SCRG1: variants seen among roughly 807,000 people sequenced by gnomAD.
SCRG1 encodes the protein stimulator of chondrogenesis 1.
Under a neutral mutation model 7.7 loss-of-function variants are expected in SCRG1, and 3 were observed. That is an observed-to-expected ratio of 0.39 (90% confidence interval 0.18 to 1.01). The LOEUF (loss-of-function observed/expected upper bound fraction) is 1.01. Ranked by LOEUF, SCRG1 falls within the 50% of genes least tolerant of loss-of-function variation. The pLI is 0.36. For missense variants in SCRG1, 110 were observed against 117.2 expected (o/e 0.94, Z 0.28); for synonymous variants, 46 against 41.2 (o/e 1.12, Z -0.44).
chr4:173,430,538 C>A, the SCRG1 span, among the ~76,000 whole-genome samples: 6 of 151,986 alleles, frequency 3.9e-5, no homozygotes, highest in Non-Finnish European at 8.8e-5. Context: ...CCTGTAATCC[C>A]AGCACTTTAG....
At chr4:173,512,940 A>G in the SCRG1 span, among the ~76,000 whole-genome samples, 1 of 152,202 alleles carries the variant, frequency 6.6e-6, no homozygotes, top group Non-Finnish European at 1.5e-5. Context: ...TATCAAGTCT[A>G]CACATAGTTA....
the SCRG1 span, among the ~76,000 whole-genome samples, chr4:173,454,380 C>T: frequency 1.8e-4 from 28 of 152,074 alleles, no homozygotes; most frequent in Admixed American, 9.8e-4. Context: ...GGGCCAGAGT[C>T]GGGGAGGTTA....
At chr4:173,508,217 A>G in the SCRG1 span, among the ~76,000 whole-genome samples, 1 of 152,220 alleles carries the variant, frequency 6.6e-6, no homozygotes, top group Non-Finnish European at 1.5e-5. The surrounding 1 kb of genome is among the most constrained non-coding windows in gnomAD (Gnocchi z 4.4). Flanking sequence ...AAAGATAGAT[A>G]GCGATCGTGC....
the SCRG1 span, among the ~76,000 whole-genome samples, chr4:173,454,460 T>G: frequency 3.3e-5 from 5 of 152,158 alleles, no homozygotes; most frequent in African/African-American, 1.2e-4. Flanking sequence ...TACCTGAATT[T>G]TTTCCACATG....
intron 2 of SCRG1, chr4:173,389,748 C>T (rs531314177): frequency 5.2e-4 from 116 of 222,216 alleles, no homozygotes; most frequent in African/African-American, 2.6e-3. Flanking sequence ...AATCAGAACA[C>T]GTGGGTTCTA....
chr4:173,489,519 T>G, the SCRG1 span, among the ~76,000 whole-genome samples: 293 of 151,986 alleles, frequency 1.9e-3, 2 homozygotes, highest in Middle Eastern at 0.02. Flanking sequence ...AATTTTTTTT[T>G]TTTGTTTGTT....
the SCRG1 span, among the ~76,000 whole-genome samples, chr4:173,487,831 G>C: frequency 2.6e-5 from 4 of 152,030 alleles, no homozygotes; most frequent in African/African-American, 9.6e-5. Flanking sequence ...GGCTGGGCAT[G>C]GTGGCTCATG....
At chr4:173,416,114 G>A in the SCRG1 span, among the ~76,000 whole-genome samples, 2,278 of 152,304 alleles carry the variant, frequency 0.015, 63 homozygotes, top group African/African-American at 0.052. Context: ...CAGCAATACT[G>A]CCGCCCCAAA....
Position 173,390,646 on chromosome 4 carries a change from A to AT in SCRG1, c.242+526dup, listed in dbSNP as rs143515314. 6.9e-3 allele frequency among the ~76,000 whole-genome samples: 1,041 copies of AT among 151,086 alleles called. 1 individual carries two copies. The highest frequency in any genetic ancestry group is 0.012 in the Non-Finnish European group (816 of 67,686). On this transcript the variant is annotated intron_variant, in intron 2 of 2. Transcript: ENST00000296506. ...TGCCACCACGCCCAGCTAATTTTGT[A>AT]TTTTTTTTGTATTTTGTATTTTGCA...
At chr4:173,420,171 C>T in the SCRG1 span, 2 of 472,334 alleles carry the variant, frequency 4.2e-6, no homozygotes, top group Non-Finnish European at 8.3e-6. Flanking sequence ...CGTGGCTCAA[C>T]AGAGACCTTC....
chr4:173,481,874 G>A, the SCRG1 span, among the ~76,000 whole-genome samples: 1 of 152,082 alleles, frequency 6.6e-6, no homozygotes, highest in African/African-American at 2.4e-5. Flanking sequence ...TAGGCTATTA[G>A]TAAAGTGTTT....
chr4:173,409,155 G>A (rs1294273259), upstream of SCRG1, among the ~76,000 whole-genome samples: 1 of 152,116 alleles, frequency 6.6e-6, no homozygotes, highest in Non-Finnish European at 1.5e-5. Context: ...TAACCAATAA[G>A]CCTGGAGGTT....
chr4:173,496,329 A>G, the SCRG1 span, among the ~76,000 whole-genome samples: 2 of 152,252 alleles, frequency 1.3e-5, no homozygotes, highest in Middle Eastern at 3.4e-3. Flanking sequence ...TCTTTGAAAA[A>G]AAAAAGAGAG....
At chr4:173,504,621 T>G in the SCRG1 span, among the ~76,000 whole-genome samples, 1 of 152,218 alleles carries the variant, frequency 6.6e-6, no homozygotes, top group East Asian at 1.9e-4. This position sits in a 1 kb window ranked among gnomAD's most constrained non-coding sequence, Gnocchi z 4.7. Flanking sequence ...TTGTGCACAA[T>G]TATTTTTATT....
chr4:173,482,132 T>C, the SCRG1 span, among the ~76,000 whole-genome samples: 1 of 152,200 alleles, frequency 6.6e-6, no homozygotes, highest in Admixed American at 6.5e-5. Context: ...AATAAAGTAA[T>C]TAGCAGTTGG....
At chr4:173,429,523 C>A in the SCRG1 span, among the ~76,000 whole-genome samples, 1 of 152,148 alleles carries the variant, frequency 6.6e-6, no homozygotes, top group African/African-American at 2.4e-5. Flanking sequence ...TCTCAAACTC[C>A]TGGCATCAAG....
upstream of SCRG1, among the ~76,000 whole-genome samples, chr4:173,409,713 T>C (rs1992464): frequency 0.98 from 149,124 of 151,988 alleles, 73,229 homozygotes; most frequent in East Asian, 1. Context: ...CTCAGCCTCC[T>C]AAGTACCTGC....
chr4:173,515,185 G>C, the SCRG1 span, among the ~76,000 whole-genome samples: 1 of 152,226 alleles, frequency 6.6e-6, no homozygotes, highest in African/African-American at 2.4e-5. The surrounding 1 kb of genome is among the most constrained non-coding windows in gnomAD (Gnocchi z 4.6). Context: ...GCTGTTTGCA[G>C]AAGTTGGAAC....
chr4:173,484,981 AAT>A, the SCRG1 span, among the ~76,000 whole-genome samples: 4 of 27,310 alleles, frequency 1.5e-4, no homozygotes, highest in African/African-American at 5.9e-4. Flanking sequence ...TAATATTATA[AAT>A]ATAATATATA....
Sources: allele counts gnomAD v4.1 joint callset (sites outside exome capture counted in the v4.1 genomes callset), GRCh38; gene constraint gnomAD v4.1.1; non-coding constraint Gnocchi (gnomAD v3.1); transcripts MANE v1.5; gene names NCBI Gene and HGNC (gene_info 2026-07-23, HGNC 2026-07-21).